TIAM1: variants seen among roughly 807,000 people sequenced by gnomAD.
TIAM1 encodes the protein TIAM Rac1 associated GEF 1, also known as rho guanine nucleotide exchange factor TIAM1.
A neutral mutation model predicts 163.5 loss-of-function variants in TIAM1; 65 were observed. The observed-to-expected ratio is 0.40, with a 90% CI of 0.33 to 0.49. The LOEUF (loss-of-function observed/expected upper bound fraction) is 0.49, where lower values mean the gene tolerates loss of function less well. TIAM1 is among the 20% of genes least tolerant of loss of function. TIAM1 has a pLI of 0.77. For missense variants in TIAM1, 1,789 were observed against 2,044.7 expected (o/e 0.87, Z 2.41); for synonymous variants, 833 against 810.1 (o/e 1.03, Z -0.48).
At chr21:31,259,482 A>G (rs2072321522) in intron 4 of TIAM1, among the ~76,000 whole-genome samples, 1 of 151,788 alleles carries the variant, frequency 6.6e-6, no homozygotes, top group South Asian at 2.1e-4. Flanking sequence ...ATAGTGGTCC[A>G]TGCCTGTAGT....
intron 19 of TIAM1, among the ~76,000 whole-genome samples, chr21:31,149,725 T>C (rs1198830170): frequency 2.0e-5 from 3 of 152,206 alleles, no homozygotes; most frequent in African/African-American, 7.2e-5. Context: ...AATATATCCA[T>C]TTTTATTAAG....
chr21:31,325,039 G>C (rs2075437695), intron 2 of TIAM1, among the ~76,000 whole-genome samples: 1 of 152,030 alleles, frequency 6.6e-6, no homozygotes, highest in Non-Finnish European at 1.5e-5. Flanking sequence ...CAGCACTTTG[G>C]GAGGCCGAGG....
At chr21:31,187,675 G>A (rs543638533) in intron 13 of TIAM1, among the ~76,000 whole-genome samples, 1 of 152,054 alleles carries the variant, frequency 6.6e-6, no homozygotes, top group South Asian at 2.1e-4. Context: ...ACTTCTCTGG[G>A]CTCCCAGAGC....
intron 2 of TIAM1, among the ~76,000 whole-genome samples, chr21:31,415,838 T>G (rs2043353787): frequency 2.0e-5 from 3 of 152,052 alleles, no homozygotes; most frequent in Admixed American, 2.0e-4. Context: ...CAGAATGCCT[T>G]CCCCACACTG....
At chr21:31,532,618 G>A (rs773566791) in intron 1 of TIAM1, among the ~76,000 whole-genome samples, 6 of 152,120 alleles carry the variant, frequency 3.9e-5, no homozygotes, top group Non-Finnish European at 5.9e-5. Context: ...ATATGCTAGT[G>A]ATGAAAATTC....
intron 27 of TIAM1, among the ~76,000 whole-genome samples, chr21:31,123,127 C>A (rs1012538648): frequency 3.3e-5 from 5 of 152,294 alleles, no homozygotes; most frequent in South Asian, 4.1e-4. Context: ...GTTTTGTTTT[C>A]TTTCCAAATG....
At chr21:31,461,966 C>A (rs937792915) in intron 2 of TIAM1, among the ~76,000 whole-genome samples, 1 of 152,208 alleles carries the variant, frequency 6.6e-6, no homozygotes, top group Non-Finnish European at 1.5e-5. Context: ...CATGTGCAGC[C>A]AGTTTTGATA....
At chr21:31,272,498 T>C (rs1430686801) in intron 3 of TIAM1, among the ~76,000 whole-genome samples, 7 of 151,216 alleles carry the variant, frequency 4.6e-5, no homozygotes, top group South Asian at 2.1e-4. Context: ...AAAAAAAAGA[T>C]ATAGAACTAT....
At chr21:31,535,380 C>CAAAA (rs59742048) in intron 1 of TIAM1, among the ~76,000 whole-genome samples, 543 of 54,296 alleles carry the variant, frequency 0.01, 36 homozygotes, top group African/African-American at 0.012. Context: ...GGCTCCATCT[C>CAAAA]AAAAAAAAAA....
chr21:31,353,835 C>CTTTTTTTTTTTTTTTTTTTTTTTTTT lies in TIAM1; in HGVS notation c.-368-14414_-368-14413insAAAAAAAAAAAAAAAAAAAAAAAAAA, dbSNP rs71193103. On this transcript the variant is annotated intron_variant, in intron 2 of 28. Coordinates refer to the TIAM1 transcript ENST00000286827. ...TGTTTTTATTTATTTATTTATTTAT[C>CTTTTTTTTTTTTTTTTTTTTTTTTTT]TTTTTTTTTTTTTTTTTTTTTGAGA... 9.8e-5 allele frequency among the ~76,000 whole-genome samples: 7 copies of CTTTTTTTTTTTTTTTTTTTTTTTTTT among 71,234 alleles called. 1 individual carries two copies. The highest frequency in any genetic ancestry group is 1.5e-4 in the Non-Finnish European group (6 of 40,946). 46.7% of individuals were successfully genotyped at this position (71,234 alleles called of 152,430 possible). A position where few individuals can be genotyped will look rare whatever the true frequency, so the allele number is the denominator to read the frequency against.
rs775049367 is a variant in TIAM1 at position 31,266,872 on chromosome 21, T to G, written c.101A>C (p.His34Pro). The G allele has an allele frequency of 4.3e-6, 7 of 1,614,012 alleles. No individual in the cohort carries two copies. In the African/African-American group the frequency reaches 6.7e-5, roughly 15 times the overall value. The change falls in exon 4 of 28, where the codon CAC becomes CCC. Residue 34 changes from histidine to proline, a missense_variant. His to Pro is a moderately conservative substitution (Grantham distance 77, BLOSUM62 -2). This residue lies in a region of TIAM1 where 555 missense variants were observed against 564.9 expected (regional missense o/e 0.98). Transcript: ENST00000541036. ...KHTSRSLRLSHKTRRTRHASS... is the reference protein window; with the variant it reads ...KHTSRSLRLSPKTRRTRHASS... ...AGCGTGCCTGGTCCTCCGCGTCTTG[T>G]GCGAGAGGCGCAGGGAGCGGGAAGT...
chr21:31,202,715 C>T (rs2086262125), intron 12 of TIAM1, among the ~76,000 whole-genome samples, 193 bp downstream of exon 12: 1 of 152,198 alleles, frequency 6.6e-6, no homozygotes, highest in Admixed American at 6.5e-5. Flanking sequence ...CTGCTTCGTG[C>T]GTAAACAAAG....
chr21:31,266,964 G>A lies in TIAM1; in HGVS notation c.9C>T (p.Asn3=), dbSNP rs141315780. Residue 3 remains asparagine (N), a synonymous_variant, in exon 4 of 28, where the codon AAC becomes AAT. Transcript: ENST00000541036. ...CGTGCTCTACATGTTGACTTTCTGC[G>A]TTTCCCATGGTTTTATGGTCTGCAG... MG[N]AESQHVEHEF... 127 of 1,600,392 alleles carry A rather than the reference G, an allele frequency of 7.9e-5. No homozygotes were observed. The highest frequency in any genetic ancestry group is 9.8e-5 in the Non-Finnish European group (115 of 1,171,170).
chr21:31,342,934 G>A (rs576855948), intron 1 of TIAM1, among the ~76,000 whole-genome samples: 14 of 152,316 alleles, frequency 9.2e-5, no homozygotes, highest in Middle Eastern at 3.4e-3. Flanking sequence ...GGGAAGGTAT[G>A]CTGAGAGAGT....
rs1476711880 is a variant in TIAM1 at position 31,395,049 on chromosome 21, C to T, written c.-368-55627G>A. Reference sequence around the variant, plus strand: ...GGTCAGAAGTTCAAGACCAGCCTGGCCAACACAGTGAAACCCCGTATCTAC... The same window carrying T: ...GGTCAGAAGTTCAAGACCAGCCTGGTCAACACAGTGAAACCCCGTATCTAC... On this transcript the variant is annotated intron_variant, in intron 2 of 28. Transcript: ENST00000286827. The surrounding 1 kb of genome is among the most constrained non-coding windows in gnomAD (Gnocchi z 7.5). 6.6e-6 allele frequency among the ~76,000 whole-genome samples: 1 copy of T among 152,054 alleles called. No individual in the cohort carries two copies. Among genetic ancestry groups the T allele is most frequent in the Non-Finnish European group, 1.5e-5 (1 of 68,026 alleles).
At chr21:31,523,596 A>T (rs536243151) in intron 1 of TIAM1, among the ~76,000 whole-genome samples, 136 of 152,280 alleles carry the variant, frequency 8.9e-4, no homozygotes, top group African/African-American at 2.9e-3. Flanking sequence ...TTCATCTCTG[A>T]ACCTCAGTTT....
At chr21:31,378,613 C>T (rs1434626454) in intron 2 of TIAM1, among the ~76,000 whole-genome samples, 2 of 152,182 alleles carry the variant, frequency 1.3e-5, no homozygotes, top group Admixed American at 6.5e-5. Flanking sequence ...CCATTTTACT[C>T]CCATTTCTAC....
intron 1 of TIAM1, among the ~76,000 whole-genome samples, chr21:31,552,083 A>C (rs1601079831): frequency 9.9e-6 from 1 of 101,172 alleles, no homozygotes; most frequent in African/African-American, 4.0e-5. Flanking sequence ...TTTGAGACGG[A>C]GGCTCACTCT....
intron 1 of TIAM1, among the ~76,000 whole-genome samples, chr21:31,540,679 A>T (rs570659753): frequency 6.6e-6 from 1 of 152,326 alleles, no homozygotes; most frequent in Admixed American, 6.5e-5. Flanking sequence ...CAGAAACAAC[A>T]TCTCACAGAT....
Sources: allele counts gnomAD v4.1 joint callset (sites outside exome capture counted in the v4.1 genomes callset), GRCh38; gene constraint gnomAD v4.1.1; regional missense constraint gnomAD v4.1.1; non-coding constraint Gnocchi (gnomAD v3.1); transcripts MANE v1.5; gene names NCBI Gene and HGNC (gene_info 2026-07-23, HGNC 2026-07-21).